The following PTPRN2 variants were observed in gnomAD, a reference collection of about 807,000 sequenced individuals.
PTPRN2 encodes the protein protein tyrosine phosphatase receptor type N2.
Under a neutral mutation model 118.8 loss-of-function variants are expected in PTPRN2, and 74 were observed. The observed-to-expected ratio is 0.62, with a 90% CI of 0.52 to 0.76. PTPRN2 has a LOEUF of 0.76. PTPRN2 is among the 30% of genes least tolerant of loss of function. PTPRN2 has a pLI of 0.00. For missense variants in PTPRN2, 1,481 were observed against 1,394.4 expected, an observed-to-expected ratio of 1.06 and a Z score of -0.99; for synonymous variants, 641 against 608.0, an observed-to-expected ratio of 1.05 and a Z score of -0.80.
intron 16 of PTPRN2, 34 bp from the exon 17 acceptor site, chr7:157,595,349 CAGG>C (rs753371546): frequency 1.2e-6 from 2 of 1,601,978 alleles, no homozygotes; most frequent in Non-Finnish European, 1.7e-6. Flanking sequence ...AGCGGTTAGC[CAGG>C]AGATTAGGAA....
intron 8 of PTPRN2, among the ~76,000 whole-genome samples, chr7:158,134,740 C>T (rs549111599): frequency 5.9e-5 from 9 of 152,314 alleles, no homozygotes; most frequent in South Asian, 4.1e-4. Context: ...AGCCATCCCT[C>T]GGAACCCCCT....
intron 12 of PTPRN2, among the ~76,000 whole-genome samples, chr7:157,822,556 C>T (rs780835735): frequency 2.1e-4 from 32 of 151,936 alleles, no homozygotes; most frequent in East Asian, 1.4e-3. Flanking sequence ...TCCAATCATC[C>T]GCTATCCATT....
At chr7:158,105,362 C>T (rs1318499767) in intron 10 of PTPRN2, among the ~76,000 whole-genome samples, 1 of 151,774 alleles carries the variant, frequency 6.6e-6, no homozygotes, top group Non-Finnish European at 1.5e-5. Context: ...TGCATCCGAG[C>T]TCCATCCTCA....
At chr7:158,185,507 A>G (rs181581947) in intron 5 of PTPRN2, among the ~76,000 whole-genome samples, 1 of 152,238 alleles carries the variant, frequency 6.6e-6, no homozygotes, top group East Asian at 1.9e-4. Flanking sequence ...GTACTCTCAT[A>G]TATTTCCTTT....
intron 3 of PTPRN2, among the ~76,000 whole-genome samples, chr7:158,270,030 C>T (rs1270657151): frequency 6.6e-6 from 1 of 152,242 alleles, no homozygotes; most frequent in Non-Finnish European, 1.5e-5. Flanking sequence ...CACTCTCTGC[C>T]TGACCTGCAA....
chr7:157,613,316 T>C (rs1802503461), intron 15 of PTPRN2, among the ~76,000 whole-genome samples: 1 of 152,194 alleles, frequency 6.6e-6, no homozygotes, highest in Non-Finnish European at 1.5e-5. Flanking sequence ...GCTGCTCTTC[T>C]CACAGACACA....
rs1017163347 is a variant in PTPRN2 at position 158,518,806 on chromosome 7, G to A, written c.113-29021C>T. Among the ~76,000 whole-genome samples, 11 of 152,200 alleles carry A rather than the reference G, an allele frequency of 7.2e-5. No homozygotes were observed. The East Asian group carries it at 1.5e-3, about 21-fold the overall frequency. On this transcript the variant is annotated intron_variant, in intron 1 of 22. Transcript: ENST00000389418. ...TCAAGACCAGCCTGGGCAACATGGC[G>A]AAACCCCGTCTCTATAAAAAGTACA...
chr7:158,497,639 C>T (rs1383251187), intron 1 of PTPRN2, among the ~76,000 whole-genome samples: 2 of 152,226 alleles, frequency 1.3e-5, no homozygotes, highest in African/African-American at 2.4e-5. Flanking sequence ...GAGGACTGCA[C>T]GGTGGCCTGG....
Position 158,434,216 on chromosome 7 carries a change from G to A in PTPRN2, c.163+55519C>T, listed in dbSNP as rs80168410. On this transcript the variant is annotated intron_variant, in intron 2 of 22. Transcript: ENST00000389418. ...CCATTAGATCAAGGCCATTAATCCC[G>A]TTCTTCAGACCTGCTTCAGCATGTC... Among the ~76,000 whole-genome samples the A allele has an allele frequency of 5.3e-3, 805 of 152,178 alleles. 9 individuals are homozygous for A. Among genetic ancestry groups the A allele is most frequent in the African/African-American group, 0.018 (762 of 41,522 alleles).
chr7:157,793,252 A>G (rs545923229), intron 12 of PTPRN2, among the ~76,000 whole-genome samples: 1 of 152,254 alleles, frequency 6.6e-6, no homozygotes, highest in East Asian at 1.9e-4. Context: ...AATGTGGCAG[A>G]TGAACAAAAA....
chr7:158,041,806 T>A (rs1057370399), intron 11 of PTPRN2, among the ~76,000 whole-genome samples: 2 of 152,256 alleles, frequency 1.3e-5, no homozygotes, highest in African/African-American at 4.8e-5. Flanking sequence ...TTGGTGATTC[T>A]GAGGCCAGCT....
chr7:157,580,972 C>T (rs1365378938), intron 17 of PTPRN2, among the ~76,000 whole-genome samples: 12 of 142,556 alleles, frequency 8.4e-5, no homozygotes, highest in African/African-American at 2.9e-4. Flanking sequence ...ACCTGCACAC[C>T]GCAGCCCCTG....
chr7:158,162,853 C>T (rs958181392), intron 6 of PTPRN2, among the ~76,000 whole-genome samples: 8 of 152,168 alleles, frequency 5.3e-5, no homozygotes, highest in East Asian at 1.9e-4. Flanking sequence ...AGCAGGTACG[C>T]GTGGGTCTTC....
intron 3 of PTPRN2, among the ~76,000 whole-genome samples, chr7:158,235,786 C>T (rs918159950): frequency 1.7e-4 from 26 of 152,164 alleles, no homozygotes. Context: ...AGGTGAAGAT[C>T]CCAATCACCC....
intron 3 of PTPRN2, among the ~76,000 whole-genome samples, chr7:158,223,459 A>G (rs1451890660): frequency 6.6e-6 from 1 of 152,180 alleles, no homozygotes; most frequent in Non-Finnish European, 1.5e-5. Context: ...ATATATGAAA[A>G]TAATGATACA....
At chr7:157,994,505 T>C (rs1258498303) in intron 11 of PTPRN2, among the ~76,000 whole-genome samples, 1 of 150,448 alleles carries the variant, frequency 6.6e-6, no homozygotes, top group East Asian at 2.0e-4. Flanking sequence ...TCCTTGTTCC[T>C]AAAATCAGCA....
chr7:157,657,212 TACACACACATACGCCACAC>T (rs1563312193), intron 13 of PTPRN2, among the ~76,000 whole-genome samples: 4 of 115,546 alleles, frequency 3.5e-5, no homozygotes, highest in Non-Finnish European at 1.7e-5. Context: ...ATCACACATA[TACACACACATACGCCACAC>T]ACACACACCA....
chr7:158,284,405 CTT>C (rs949439050), intron 3 of PTPRN2, among the ~76,000 whole-genome samples: 5 of 152,188 alleles, frequency 3.3e-5, no homozygotes, highest in African/African-American at 1.2e-4. Flanking sequence ...ACTTGGCCCT[CTT>C]GATGCTCTAT....
intron 6 of PTPRN2, among the ~76,000 whole-genome samples, chr7:158,158,084 C>T (rs978430067): frequency 1.3e-5 from 2 of 151,816 alleles, no homozygotes; most frequent in African/African-American, 2.4e-5. Context: ...AGCCAAGAGG[C>T]GTGCTTGGGT....
Sources: gnomAD v4.1 joint callset for allele counts (sites outside exome capture counted in the v4.1 genomes callset) on GRCh38, gnomAD v4.1.1 for gene constraint, MANE v1.5 for transcripts, NCBI Gene and HGNC (gene_info 2026-07-23, HGNC 2026-07-21) for gene names.